NME9: variants seen among roughly 807,000 people sequenced by gnomAD.
NME9 encodes thioredoxin domain-containing protein 6.
NME9 carries 48 observed loss-of-function variants against 44.4 expected under a neutral mutation model. The ratio of observed to expected loss-of-function variants is 1.08; its 90% CI spans 0.86 to 1.37. NME9 has a LOEUF of 1.37. NME9 is among the 40% of genes most tolerant of loss of function. NME9 has a pLI of 0.00. For synonymous variants in NME9, 139 were observed against 147.1 expected (o/e 0.94, Z 0.40); for missense variants, 325 against 405.2 (o/e 0.80, Z 1.70).
intron 2 of NME9, 59 bp downstream of exon 2, chr3:138,324,814 C>A: frequency 7.5e-7 from 1 of 1,336,524 alleles, no homozygotes; most frequent in Non-Finnish European, 1.1e-6. Context: ...CATGGTTCAT[C>A]ACACCATTTA....
intron 1 of NME9, among the ~76,000 whole-genome samples, chr3:138,325,236 G>A (rs1446914338): frequency 1.3e-5 from 2 of 152,114 alleles, no homozygotes; most frequent in Non-Finnish European, 2.9e-5. Context: ...ACATCAAACT[G>A]TAGGTTTCAT....
intron 8 of NME9, chr3:138,263,806 G>C (rs181951568): frequency 6.2e-6 from 10 of 1,613,894 alleles, no homozygotes; most frequent in Non-Finnish European, 8.5e-6. Context: ...GTCAAGGTGC[G>C]GTTAGCTGCC....
At position 138,318,247 on chromosome 3, in the gene NME9, C is replaced by G. The variant is rs755892638; in HGVS notation, c.196-28G>C. On this transcript the variant is annotated intron_variant, in intron 3 of 10. Transcript: ENST00000333911. ...AAAGAAAGCCACTATCAGCAGGTACCCTGGATGCAGGGGGTGCAGGGCCCA... is the reference window on the plus strand; with the variant it reads ...AAAGAAAGCCACTATCAGCAGGTACGCTGGATGCAGGGGGTGCAGGGCCCA... 56 of 1,514,596 alleles carry G rather than the reference C, an allele frequency of 3.7e-5. 2 individuals carry two copies. Among genetic ancestry groups the G allele is most frequent in the Non-Finnish European group, 1.2e-5 (13 of 1,089,410 alleles). The allele number at this position is 1,514,596 out of a possible 1,614,324, so 93.8% of individuals were successfully genotyped here. A position where few individuals can be genotyped will look rare whatever the true frequency, so the allele number is the denominator to read the frequency against.
chr3:138,273,706 G>GC (rs2048993854), intron 8 of NME9, among the ~76,000 whole-genome samples: 1 of 152,066 alleles, frequency 6.6e-6, no homozygotes. Flanking sequence ...CCTTCTCTGT[G>GC]CCCCACAAGT....
chr3:138,297,464 G>T (rs2051584611), downstream of NME9: 1 of 152,178 alleles, frequency 6.6e-6, no homozygotes, highest in Non-Finnish European at 1.5e-5. Context: ...CACTGATGGA[G>T]CTCCAAGCCC....
intron 2 of NME9, among the ~76,000 whole-genome samples, chr3:138,322,616 T>C (rs1352713372): frequency 6.6e-6 from 1 of 151,966 alleles, no homozygotes. Context: ...ATACTGGTGG[T>C]TCACTTTGGA....
chr3:138,280,050 C>T (rs1322344409), intron 8 of NME9, among the ~76,000 whole-genome samples: 10 of 151,824 alleles, frequency 6.6e-5, no homozygotes, highest in African/African-American at 2.2e-4. Flanking sequence ...ATTACAGGCA[C>T]GTGTCACCAC....
intron 6 of NME9, among the ~76,000 whole-genome samples, chr3:138,313,384 T>A (rs1455466035): frequency 1.3e-5 from 2 of 152,000 alleles, no homozygotes; most frequent in Non-Finnish European, 2.9e-5. Flanking sequence ...AGAGGGAGAC[T>A]CTGTCTCAAA....
At chr3:138,305,315 T>G (rs758511595) in intron 8 of NME9, among the ~76,000 whole-genome samples, 1 of 152,170 alleles carries the variant, frequency 6.6e-6, no homozygotes, top group Non-Finnish European at 1.5e-5. Flanking sequence ...ATTATATAAA[T>G]TAGGCAGAGA....
intron 8 of NME9, among the ~76,000 whole-genome samples, chr3:138,280,146 T>A (rs2049740070): frequency 6.6e-6 from 1 of 152,068 alleles, no homozygotes; most frequent in Non-Finnish European, 1.5e-5. Context: ...TCAGCTGATC[T>A]GCCCACCTCG....
At chr3:138,295,318 G>C (rs2051377914) in intron 8 of NME9, among the ~76,000 whole-genome samples, 1 of 152,156 alleles carries the variant, frequency 6.6e-6, no homozygotes, top group Admixed American at 6.5e-5. Flanking sequence ...AGATGAAATT[G>C]TAGCCTTCTT....
intron 8 of NME9, among the ~76,000 whole-genome samples, chr3:138,266,498 A>G (rs1560016000): frequency 6.6e-6 from 1 of 152,148 alleles, no homozygotes; most frequent in East Asian, 1.9e-4. Flanking sequence ...AAGTAGTCTT[A>G]TGTTTTTCAT....
intron 8 of NME9, among the ~76,000 whole-genome samples, chr3:138,294,632 T>C (rs1203507188): frequency 1.3e-5 from 2 of 152,226 alleles, no homozygotes; most frequent in Non-Finnish European, 2.9e-5. Context: ...ATGCATAGTC[T>C]ACTTGGTATT....
Position 138,263,569 on chromosome 3 carries a change from C to T in NME9, c.746-983G>A, listed in dbSNP as rs2047966226. 4.6e-6 allele frequency: 3 copies of T among 648,670 alleles called. No homozygotes were observed. In the South Asian group the frequency reaches 5.3e-5, roughly 11 times the overall value. The allele number at this position is 648,670 out of a possible 1,614,324, so 40.2% of individuals were successfully genotyped here. ...GCAGGTCCTTAGTGGGCTAGACCTA[C>T]CTTTCTGATGAGCTGCCCGCCCCCA... is the stretch of plus-strand genomic sequence containing the variant. On this transcript the variant is annotated intron_variant, in intron 8 of 8. Coordinates refer to the NME9 transcript ENST00000317876.
At chr3:138,319,997 T>C (rs187658476) in intron 2 of NME9, among the ~76,000 whole-genome samples, 1 of 152,292 alleles carries the variant, frequency 6.6e-6, no homozygotes, top group East Asian at 1.9e-4. Flanking sequence ...AATCCTTTGA[T>C]AACAAACACA....
chr3:138,311,108 T>G (rs186853689), intron 6 of NME9, among the ~76,000 whole-genome samples: 2 of 152,288 alleles, frequency 1.3e-5, no homozygotes, highest in African/African-American at 4.8e-5. Flanking sequence ...GACACTGTTA[T>G]GAACAACTAT....
chr3:138,263,507 C>T, intron 8 of NME9: 1 of 544,836 alleles, frequency 1.8e-6, no homozygotes, highest in South Asian at 2.2e-5. Flanking sequence ...TAAAAATAAA[C>T]AACATAACCT....
chr3:138,327,060 A>C (rs2053840780), intron 1 of NME9: 1 of 150,200 alleles, frequency 6.7e-6, no homozygotes, highest in African/African-American at 2.4e-5. Context: ...GGAGGCTGAG[A>C]CATGAGAACT....
intron 8 of NME9, among the ~76,000 whole-genome samples, chr3:138,268,153 G>A (rs1308740986): frequency 6.6e-6 from 1 of 152,118 alleles, no homozygotes; most frequent in East Asian, 1.9e-4. Context: ...TGAGGCAAGA[G>A]AATCACTTGA....
Sources: gnomAD v4.1 joint callset for allele counts (sites outside exome capture counted in the v4.1 genomes callset) on GRCh38, gnomAD v4.1.1 for gene constraint, MANE v1.5 for transcripts, NCBI Gene and HGNC (gene_info 2026-07-23, HGNC 2026-07-21) for gene names.